The following PIM1 variants were observed in gnomAD, a reference collection of about 807,000 sequenced individuals.
PIM1 encodes Pim-1 proto-oncogene, serine/threonine kinase, also known as serine/threonine-protein kinase pim-1.
In PIM1, 9 loss-of-function variants were observed where a neutral mutation model predicts 34.5. That is an observed-to-expected ratio of 0.26 (90% CI 0.16 to 0.46). The LOEUF (loss-of-function observed/expected upper bound fraction) is 0.46. Ranked by LOEUF, PIM1 falls within the 20% of genes least tolerant of loss-of-function variation. The pLI is 1.00. For missense variants in PIM1, 274 were observed against 410.9 expected, an observed-to-expected ratio of 0.67 and a Z score of 2.88; for synonymous variants, 199 against 175.2, an observed-to-expected ratio of 1.14 and a Z score of -1.07.
chr6:37,175,386 T>C lies in PIM1; in HGVS notation c.*1295T>C, dbSNP rs1762391449. On this transcript the variant is annotated 3_prime_UTR_variant, in exon 6 of 6. Transcript: ENST00000373509. Reference sequence around the variant, plus strand: ...GGGAATAAAAGAGATCTTATTTTTTTTTTTATACTTGGCGTTTTTTGAATA... The same window carrying C: ...GGGAATAAAAGAGATCTTATTTTTTCTTTTATACTTGGCGTTTTTTGAATA... 4.3e-6 allele frequency: 1 copy of C among 232,272 alleles called. No individual in the cohort carries two copies. Among genetic ancestry groups the C allele is most frequent in the Admixed American group, 5.6e-5 (1 of 17,726 alleles). The allele number at this position is 232,272 out of a possible 1,614,324, so 14.4% of individuals were successfully genotyped here. A position where few individuals can be genotyped will look rare whatever the true frequency, so the allele number is the denominator to read the frequency against.
In PIM1 at chr6:37,171,457, G is replaced by A; in HGVS notation, c.573G>A (p.Ala191=). The change falls in exon 4 of 6, where the codon GCG becomes GCA. Residue 191 remains alanine, a synonymous_variant. Coordinates refer to ENST00000373509, the MANE Select transcript of PIM1 (RefSeq NM_002648.4). ...ELKLIDFGSG[A]LLKDTVYTDF... ...AGCTCATCGACTTCGGGTCGGGGGC[G>A]CTGCTCAAGGACACCGTCTACACGG... 6.2e-7 allele frequency: 1 copy of A among 1,613,718 alleles called. No homozygotes were observed.
Position 37,170,225 on chromosome 6 carries a change from T to TGGC in PIM1, c.-350_-348dup. On this transcript the variant is annotated 5_prime_UTR_variant, in exon 1 of 6. Coordinates refer to ENST00000373509, the MANE Select transcript of PIM1 (RefSeq NM_002648.4). The stretch of plus-strand genomic sequence containing the variant: ...GCTGAGGAGGCCCGAGAGGAGTCGG[T>TGGC]GGCAGCGGCGGCGGCGGGACCGGCA... The TGGC allele has an allele frequency of 1.6e-6, 2 of 1,269,346 alleles. No individual in the cohort carries two copies. Among genetic ancestry groups the TGGC allele is most frequent in the Non-Finnish European group, 1.0e-6 (1 of 1,003,452 alleles). 78.6% of individuals were successfully genotyped at this position (1,269,346 alleles called of 1,614,324 possible). A position where few individuals can be genotyped will look rare whatever the true frequency, so the allele number is the denominator to read the frequency against.
rs1339912608 is a variant in PIM1 at position 37,170,308 on chromosome 6, G to GCACGAGCCC, written c.-259_-251dup. ...TAGCCTCCTGCCCCGCGGCGCTGCC[G>GCACGAGCCC]CACGAGCCCCACGAGCCGCTCACCC... On this transcript the variant is annotated 5_prime_UTR_variant, in exon 1 of 6. Coordinates refer to ENST00000373509, the MANE Select transcript of PIM1 (RefSeq NM_002648.4). 1 of 1,446,530 alleles carries GCACGAGCCC rather than the reference G, an allele frequency of 6.9e-7. No individual in the cohort carries two copies. Among genetic ancestry groups the GCACGAGCCC allele is most frequent in the Non-Finnish European group, 9.1e-7 (1 of 1,104,392 alleles). The allele number at this position is 1,446,530 out of a possible 1,614,324, so 89.6% of individuals were successfully genotyped here. A position where few individuals can be genotyped will look rare whatever the true frequency, so the allele number is the denominator to read the frequency against.
chr6:37,170,477 AGCCACAGCCCCAGGCATAGCCTTC>A lies in PIM1; in HGVS notation c.-97_-74del. 1 of 1,574,482 alleles carries A rather than the reference AGCCACAGCCCCAGGCATAGCCTTC, an allele frequency of 6.4e-7. No homozygotes were observed. The highest frequency in any genetic ancestry group is 8.6e-7 in the Non-Finnish European group (1 of 1,165,802). Reference sequence around the variant, plus strand: ...CAACGCCACCCGCAGCCACAGCCACAGCCACAGCCCCAGGCATAGCCTTCGGCACAGCCCCGGCTCCGGCTCCTG... The same window carrying A: ...CAACGCCACCCGCAGCCACAGCCACAGGCACAGCCCCGGCTCCGGCTCCTG... On this transcript the variant is annotated 5_prime_UTR_variant, in exon 1 of 6. Transcript: ENST00000373509.
chr6:37,170,261 C>A lies in PIM1; in HGVS notation c.-315C>A. On this transcript the variant is annotated 5_prime_UTR_variant, in exon 1 of 6. Transcript: ENST00000373509. ...GCGGCGGGACCGGCAGCAGCAGCAG[C>A]AGCAGCAGCAGCAGCAACCACTAGC... is the stretch of plus-strand genomic sequence containing the variant. 1 of 1,343,350 alleles carries A rather than the reference C, an allele frequency of 7.4e-7. No homozygotes were observed. Among genetic ancestry groups the A allele is most frequent in the Non-Finnish European group, 9.6e-7 (1 of 1,046,388 alleles). The allele number at this position is 1,343,350 out of a possible 1,614,324, so 83.2% of individuals were successfully genotyped here. A position where few individuals can be genotyped will look rare whatever the true frequency, so the allele number is the denominator to read the frequency against.
rs771904025 is a variant in PIM1, at chr6:37,170,503, G to C, written c.-73G>C. The C allele has an allele frequency of 9.7e-5, 155 of 1,599,468 alleles. No homozygotes were observed. The highest frequency in any genetic ancestry group is 1.2e-4 in the Non-Finnish European group (143 of 1,175,828). ...GCCACAGCCCCAGGCATAGCCTTCGGCACAGCCCCGGCTCCGGCTCCTGCG... is the reference window on the plus strand; with the variant it reads ...GCCACAGCCCCAGGCATAGCCTTCGCCACAGCCCCGGCTCCGGCTCCTGCG... On this transcript the variant is annotated 5_prime_UTR_variant, in exon 1 of 6. Coordinates refer to ENST00000373509, the MANE Select transcript of PIM1 (RefSeq NM_002648.4).
At position 37,175,078 on chromosome 6, in the gene PIM1, G is replaced by A. The variant is rs1762383634; in HGVS notation, c.*987G>A. ...GTTTTCTTTCCTCCTTTCCTCCTCT[G>A]ACTTGGGGACCTTTTGGGGGAGGGC... On this transcript the variant is annotated 3_prime_UTR_variant, in exon 6 of 6. Transcript: ENST00000373509. The A allele has an allele frequency of 4.3e-6, 1 of 233,288 alleles. No homozygotes were observed. The highest frequency in any genetic ancestry group is 8.5e-6 in the Non-Finnish European group (1 of 118,144). 14.5% of individuals were successfully genotyped at this position (233,288 alleles called of 1,614,324 possible).
In PIM1 at chr6:37,170,252, CA is replaced by C; in HGVS notation, c.-323del. On this transcript the variant is annotated 5_prime_UTR_variant, in exon 1 of 6. Coordinates refer to ENST00000373509, the MANE Select transcript of PIM1 (RefSeq NM_002648.4). ...GCAGCGGCGGCGGCGGGACCGGCAGCAGCAGCAGCAGCAGCAGCAGCAGCAA... is the reference window on the plus strand; with the variant it reads ...GCAGCGGCGGCGGCGGGACCGGCAGCGCAGCAGCAGCAGCAGCAGCAGCAA... 1 of 753,906 alleles carries C rather than the reference CA, an allele frequency of 1.3e-6. No individual in the cohort carries two copies. The highest frequency in any genetic ancestry group is 1.8e-6 in the Non-Finnish European group (1 of 569,412). The allele number at this position is 753,906 out of a possible 1,614,324, so 46.7% of individuals were successfully genotyped here. A position where few individuals can be genotyped will look rare whatever the true frequency, so the allele number is the denominator to read the frequency against.
In PIM1 at chr6:37,175,084, G is replaced by A. The variant is rs1762383845; in HGVS notation, c.*993G>A. ...TTTCCTCCTTTCCTCCTCTGACTTG[G>A]GGACCTTTTGGGGGAGGGCTGCGAC... On this transcript the variant is annotated 3_prime_UTR_variant, in exon 6 of 6. Coordinates refer to ENST00000373509, the MANE Select transcript of PIM1 (RefSeq NM_002648.4). 4.3e-6 allele frequency: 1 copy of A among 233,344 alleles called. No individual in the cohort carries two copies. Among genetic ancestry groups the A allele is most frequent in the Non-Finnish European group, 8.5e-6 (1 of 118,142 alleles). 14.5% of individuals were successfully genotyped at this position (233,344 alleles called of 1,614,324 possible). A position where few individuals can be genotyped will look rare whatever the true frequency, so the allele number is the denominator to read the frequency against.
intron 4 of PIM1, 157 bp from the exon 5 acceptor site, chr6:37,172,839 C>T (rs1197881779): frequency 1.5e-5 from 11 of 727,324 alleles, no homozygotes; most frequent in Admixed American, 6.0e-5. Context: ...GGTGCGCCTC[C>T]ACTCTCCTTA....
At chr6:37,172,797 G>A (rs1294757105) in intron 4 of PIM1, 199 bp from the exon 5 acceptor site, 1 of 688,150 alleles carries the variant, frequency 1.5e-6, no homozygotes, top group Admixed American at 2.0e-5. Flanking sequence ...GCAGAGAGGT[G>A]GGTAATGCTT....
chr6:37,171,200 C>A lies in PIM1; in HGVS notation c.316C>A (p.Leu106Ile). ...CTCGGGTTTCTCCGGCGTCATTAGG[C>A]TCCTGGACTGGTTCGAGAGGCCCGA... is the stretch of plus-strand genomic sequence containing the variant. ...VSSGFSGVIR[L>I]LDWFERPDSF... Residue 106 changes from leucine to isoleucine, a missense_variant, in exon 4 of 6, where the codon CTC (leucine) becomes ATC (isoleucine). Around this residue, in one of 2 missense-constraint regions of PIM1, gnomAD observed 168 missense variants for 299.4 expected, o/e 0.56. Coordinates refer to ENST00000373509, the MANE Select transcript of PIM1 (RefSeq NM_002648.4). 1 of 1,614,146 alleles carries A rather than the reference C, an allele frequency of 6.2e-7. No individual in the cohort carries two copies. The highest frequency in any genetic ancestry group is 2.2e-5 in the East Asian group (1 of 44,884).
rs1487406289 is a variant in PIM1, at chr6:37,170,669, C to A, written c.82+12C>A. On this transcript the variant is annotated intron_variant, in intron 1 of 5. Transcript: ENST00000373509. The stretch of plus-strand genomic sequence containing the variant: ...CAAGCTGGCGCCCGGTGAGAGCACC[C>A]CCCGCCTCCGGCCCGGGGATGCGGG... 2 of 1,609,354 alleles carry A rather than the reference C, an allele frequency of 1.2e-6. No homozygotes were observed. The highest frequency in any genetic ancestry group is 2.7e-5 in the African/African-American group (2 of 74,622).
At chr6:37,170,945 G>T in intron 2 of PIM1, 36 bp from the exon 3 acceptor site, 1 of 1,613,890 alleles carries the variant, frequency 6.2e-7, no homozygotes, top group Non-Finnish European at 8.5e-7. Context: ...GCTTTAGCCC[G>T]GACGAGGGAA....
Position 37,170,346 on chromosome 6 carries a change from C to A in PIM1, c.-230C>A. 1 of 1,510,810 alleles carries A rather than the reference C, an allele frequency of 6.6e-7. No homozygotes were observed. Among genetic ancestry groups the A allele is most frequent in the Non-Finnish European group, 8.8e-7 (1 of 1,135,038 alleles). 93.6% of individuals were successfully genotyped at this position (1,510,810 alleles called of 1,614,324 possible). On this transcript the variant is annotated 5_prime_UTR_variant, in exon 1 of 6. Transcript: ENST00000373509. ...GAGCCGCTCACCCCGCCGTTCTCAGCGCTGCCCGACCCCGCTGGCGCGCCC... is the reference window on the plus strand; with the variant it reads ...GAGCCGCTCACCCCGCCGTTCTCAGAGCTGCCCGACCCCGCTGGCGCGCCC...
chr6:37,172,537 G>T (rs1561983777), intron 4 of PIM1: 1 of 452,972 alleles, frequency 2.2e-6, no homozygotes, highest in Non-Finnish European at 4.4e-6. Flanking sequence ...AGGGCACCCT[G>T]ACTTAGGATG....
At chr6:37,173,806 G>A (rs1411467389) in intron 5 of PIM1, 128 bp from the exon 6 acceptor site, 1 of 734,830 alleles carries the variant, frequency 1.4e-6, no homozygotes, top group East Asian at 2.6e-5. Flanking sequence ...CCAGCACAGT[G>A]TTCTAGAAAA....
intron 1 of PIM1, 53 bp from the exon 2 acceptor site, chr6:37,170,720 G>A (rs1762261165): frequency 1.9e-6 from 3 of 1,606,600 alleles, no homozygotes; most frequent in Non-Finnish European, 1.7e-6. Flanking sequence ...CCTGGGTGGG[G>A]AGCTGGCGGC....
rs748229296 is a variant in PIM1, at chr6:37,171,504, C to G, written c.607+13C>G. The G allele has an allele frequency of 1.9e-6, 3 of 1,611,580 alleles. No homozygotes were observed. Among genetic ancestry groups the G allele is most frequent in the South Asian group, 1.1e-5 (1 of 90,992 alleles). On this transcript the variant is annotated intron_variant, in intron 4 of 5. Coordinates refer to ENST00000373509, the MANE Select transcript of PIM1 (RefSeq NM_002648.4). ...ACGGACTTCGATGGTGAGCCAGGCC[C>G]GGGAGGGAGCTGCCCAGGTGACTCG...
Sources: allele counts gnomAD v4.1 joint callset, GRCh38; gene constraint gnomAD v4.1.1; regional missense constraint gnomAD v4.1.1; transcripts MANE v1.5; gene names NCBI Gene and HGNC (gene_info 2026-07-23, HGNC 2026-07-21).